PDE4D: variants seen among roughly 807,000 people sequenced by gnomAD.
PDE4D encodes 3',5'-cyclic-AMP phosphodiesterase 4D.
In PDE4D, 24 loss-of-function variants were observed where a neutral mutation model predicts 87.4. That is an observed-to-expected ratio of 0.27 (90% CI 0.20 to 0.39). The LOEUF (loss-of-function observed/expected upper bound fraction) is 0.39, where lower values mean the gene tolerates loss of function less well. Among genes scored for constraint, PDE4D ranks in the 10% least tolerant of loss-of-function variants. PDE4D has a pLI of 1.00. For missense variants in PDE4D, 714 were observed against 1,041.0 expected (o/e 0.69, Z 4.32); for synonymous variants, 384 against 383.2 (o/e 1.00, Z -0.02).
chr5:59,174,260 G>T (rs1347445452), intron 5 of PDE4D: 1 of 152,154 alleles, frequency 6.6e-6, no homozygotes, highest in African/African-American at 2.4e-5. Context: ...CGTGCCAATT[G>T]ACTAAATTCT....
intron 2 of PDE4D, among the ~76,000 whole-genome samples, chr5:60,162,860 C>G (rs772140360): frequency 1.4e-4 from 21 of 152,040 alleles, no homozygotes; most frequent in Non-Finnish European, 2.6e-4. Context: ...CTACCTGGTA[C>G]CACAGACTTA....
At chr5:60,022,509 AC>A (rs1766171907) in intron 2 of PDE4D, 1 of 152,092 alleles carries the variant, frequency 6.6e-6, no homozygotes, top group Non-Finnish European at 1.5e-5. Flanking sequence ...TATGGCTCTA[AC>A]TTTTTTGCTA....
chr5:60,438,417 T>C (rs2150127986), intron 1 of PDE4D, among the ~76,000 whole-genome samples: 1 of 152,242 alleles, frequency 6.6e-6, no homozygotes, highest in South Asian at 2.1e-4. Context: ...GATATTTATA[T>C]TTTTAGCTAA....
At chr5:59,090,945 C>A in intron 5 of PDE4D, 1 of 286,296 alleles carries the variant, frequency 3.5e-6, no homozygotes. Flanking sequence ...GTGACAAATA[C>A]TCTAACTTAT....
At chr5:60,281,605 G>A (rs1296781273) in intron 1 of PDE4D, among the ~76,000 whole-genome samples, 4 of 152,024 alleles carry the variant, frequency 2.6e-5, no homozygotes, top group African/African-American at 9.7e-5. Context: ...ATAGATAGTA[G>A]ATCTTATTCA....
intron 1 of PDE4D, among the ~76,000 whole-genome samples, chr5:60,421,262 A>G (rs1267444407): frequency 6.6e-6 from 1 of 152,176 alleles, no homozygotes; most frequent in Non-Finnish European, 1.5e-5. Context: ...ACATAGCTTA[A>G]CTGGGAGACA....
At chr5:59,194,497 G>A (rs1258589521) in intron 2 of PDE4D, among the ~76,000 whole-genome samples, 2 of 152,160 alleles carry the variant, frequency 1.3e-5, no homozygotes, top group African/African-American at 4.8e-5. Context: ...GGGGCACAGG[G>A]AGCATATGGA....
intron 1 of PDE4D, among the ~76,000 whole-genome samples, chr5:59,387,059 G>A (rs1412039690): frequency 6.6e-6 from 1 of 151,986 alleles, no homozygotes; most frequent in Non-Finnish European, 1.5e-5. Context: ...TCACTATCCT[G>A]CTGAAATTTG....
intron 2 of PDE4D, among the ~76,000 whole-genome samples, chr5:60,140,283 T>C (rs1780415295): frequency 6.6e-6 from 1 of 152,076 alleles, no homozygotes; most frequent in Admixed American, 6.6e-5. Flanking sequence ...GAAATGTGTA[T>C]TTCAAAAAAT....
intron 1 of PDE4D, among the ~76,000 whole-genome samples, chr5:59,388,659 G>A (rs1363776297): frequency 9.2e-6 from 1 of 108,372 alleles, no homozygotes; most frequent in Non-Finnish European, 2.2e-5. Context: ...TCACACACTA[G>A]AATTCTACCC....
intron 1 of PDE4D, among the ~76,000 whole-genome samples, chr5:59,867,298 T>C (rs762010976): frequency 4.6e-5 from 7 of 151,828 alleles, no homozygotes; most frequent in Admixed American, 3.9e-4. Flanking sequence ...TGGAAACTAA[T>C]GAGCTTCAAT....
At chr5:60,078,118 A>G (rs181300162) in intron 2 of PDE4D, among the ~76,000 whole-genome samples, 1 of 152,132 alleles carries the variant, frequency 6.6e-6, no homozygotes, top group African/African-American at 2.4e-5. Flanking sequence ...CCTGATCCAG[A>G]TATTCTCCAG....
At chr5:59,998,570 A>G (rs1188860192) in intron 2 of PDE4D, among the ~76,000 whole-genome samples, 1 of 152,180 alleles carries the variant, frequency 6.6e-6, no homozygotes, top group Non-Finnish European at 1.5e-5. Flanking sequence ...CAAGACTTAT[A>G]TAATCAAGAC....
chr5:59,142,212 T>C (rs1018692309), intron 5 of PDE4D, among the ~76,000 whole-genome samples: 2 of 152,258 alleles, frequency 1.3e-5, no homozygotes, highest in Non-Finnish European at 2.9e-5. Context: ...AGCATTCCAC[T>C]AGCCCTCTTA....
At position 58,973,135 on chromosome 5, in the gene PDE4D, A is replaced by G. The variant is rs1450177453; in HGVS notation, c.*1529T>C. 2.6e-5 allele frequency: 4 copies of G among 152,170 alleles called. No homozygotes were observed. The highest frequency in any genetic ancestry group is 2.1e-4 in the South Asian group (1 of 4,824). The allele number at this position is 152,170 out of a possible 1,614,324, so 9.4% of individuals were successfully genotyped here. On this transcript the variant is annotated 3_prime_UTR_variant, in exon 15 of 15. Transcript: ENST00000340635. ...CATGGTGAAATCATTAAAACCAAATAGGATTAGTTGTATTGGTGTTTGTTA... is the reference window on the plus strand; with the variant it reads ...CATGGTGAAATCATTAAAACCAAATGGGATTAGTTGTATTGGTGTTTGTTA...
At chr5:60,228,476 A>G (rs1745396246) in intron 1 of PDE4D, among the ~76,000 whole-genome samples, 1 of 150,658 alleles carries the variant, frequency 6.6e-6, no homozygotes, top group African/African-American at 2.4e-5. Context: ...TCAATAAATG[A>G]TCATGCAGGA....
At chr5:59,199,978 A>G (rs1259130746) in intron 2 of PDE4D, among the ~76,000 whole-genome samples, 3 of 143,962 alleles carry the variant, frequency 2.1e-5, no homozygotes, top group African/African-American at 8.8e-5. Flanking sequence ...ACATACATAC[A>G]TATATACACA....
At chr5:60,331,915 G>C (rs1160930665) in intron 1 of PDE4D, among the ~76,000 whole-genome samples, 2 of 152,170 alleles carry the variant, frequency 1.3e-5, no homozygotes, top group East Asian at 1.9e-4. Context: ...TGCTACTCAT[G>C]TTCCTGCCTT....
At chr5:59,617,334 A>AAT (rs1829825603) in intron 1 of PDE4D, among the ~76,000 whole-genome samples, 4 of 152,008 alleles carry the variant, frequency 2.6e-5, no homozygotes, top group Non-Finnish European at 5.9e-5. Flanking sequence ...TACAATGTGG[A>AAT]CTCTAAAATA....
Sources: allele counts gnomAD v4.1 joint callset (sites outside exome capture counted in the v4.1 genomes callset), GRCh38; gene constraint gnomAD v4.1.1; transcripts MANE v1.5; gene names NCBI Gene and HGNC (gene_info 2026-07-23, HGNC 2026-07-21).